Variants in THEMIS observed in about 807,000 individuals in gnomAD.
The protein encoded by THEMIS is protein THEMIS.
THEMIS carries 37 observed loss-of-function variants against 52.6 expected under a neutral mutation model. The ratio of observed to expected loss-of-function variants is 0.70; its 90% CI spans 0.54 to 0.93. The LOEUF (loss-of-function observed/expected upper bound fraction) is 0.93, where lower values mean the gene tolerates loss of function less well. Among genes scored for constraint, THEMIS ranks in the 40% least tolerant of loss-of-function variants. The probability of loss-of-function intolerance (pLI) is 0.00; values close to 1 mark genes in which losing one functional copy is unlikely to be tolerated. For missense variants in THEMIS, 808 were observed against 763.1 expected, an observed-to-expected ratio of 1.06 and a Z score of -0.69; for synonymous variants, 292 against 272.7, an observed-to-expected ratio of 1.07 and a Z score of -0.70.
chr6:127,855,482 T>C (rs1466991307), intron 1 of THEMIS, among the ~76,000 whole-genome samples: 1 of 151,932 alleles, frequency 6.6e-6, no homozygotes, highest in Non-Finnish European at 1.5e-5. Flanking sequence ...TACAAACGTA[T>C]CTTCCACTAC....
intron 1 of THEMIS, among the ~76,000 whole-genome samples, chr6:127,873,083 G>T (rs570571435): frequency 1.3e-5 from 2 of 152,230 alleles, no homozygotes; most frequent in East Asian, 3.9e-4. Context: ...CAGTGTAATA[G>T]AACATGTACA....
At chr6:127,883,302 A>G (rs1050019496) in intron 1 of THEMIS, among the ~76,000 whole-genome samples, 15 of 151,878 alleles carry the variant, frequency 9.9e-5, no homozygotes, top group African/African-American at 3.6e-4. Flanking sequence ...TCCCTATAGC[A>G]GAGGTTGGTG....
chr6:127,817,872 T>C (rs1176264364), intron 3 of THEMIS, among the ~76,000 whole-genome samples: 1 of 152,208 alleles, frequency 6.6e-6, no homozygotes, highest in Non-Finnish European at 1.5e-5. Context: ...AGTCTTACTT[T>C]CAGGGGCCCA....
intron 4 of THEMIS, among the ~76,000 whole-genome samples, chr6:127,744,913 C>T (rs1420752509): frequency 2.6e-5 from 4 of 151,632 alleles, no homozygotes; most frequent in Admixed American, 2.6e-4. Flanking sequence ...TGTTTATCAC[C>T]TTGATTGAGA....
chr6:127,915,066 T>C (rs1390000269), intron 1 of THEMIS, among the ~76,000 whole-genome samples: 1 of 152,188 alleles, frequency 6.6e-6, no homozygotes, highest in African/African-American at 2.4e-5. Flanking sequence ...ATTGTAACAG[T>C]TCGTCATTGA....
intron 1 of THEMIS, among the ~76,000 whole-genome samples, chr6:127,872,036 T>C (rs1780173459): frequency 6.6e-6 from 1 of 152,156 alleles, no homozygotes; most frequent in Non-Finnish European, 1.5e-5. Context: ...AATTCATTAA[T>C]ATAGACAAAA....
At chr6:127,911,138 A>T (rs1366285186) in intron 1 of THEMIS, among the ~76,000 whole-genome samples, 1 of 151,322 alleles carries the variant, frequency 6.6e-6, no homozygotes, top group Non-Finnish European at 1.5e-5. Flanking sequence ...ATCACTGATA[A>T]TGTTAACTTT....
In THEMIS at chr6:127,711,184, A is replaced by AT. The variant is rs576066572; in HGVS notation, c.1895-1169dup. ...TAACCTTTATATGCCTCATTTTCTC[A>AT]TTTTTTTTTAAAGGAGAAGGAGGAG... On this transcript the variant is annotated intron_variant, in intron 5 of 5. Transcript: ENST00000368248. 7.8e-4 allele frequency among the ~76,000 whole-genome samples: 116 copies of AT among 149,392 alleles called. 1 individual carries two copies. The highest frequency in any genetic ancestry group is 6.9e-3 in the Middle Eastern group (2 of 288).
chr6:127,794,206 A>C (rs1777252027), intron 4 of THEMIS, among the ~76,000 whole-genome samples: 1 of 152,242 alleles, frequency 6.6e-6, no homozygotes, highest in Non-Finnish European at 1.5e-5. Context: ...TTCCTAGCCC[A>C]TAGCAATATT....
intron 4 of THEMIS, among the ~76,000 whole-genome samples, chr6:127,787,803 G>GTAGGTAGATAGA (rs1554224476): frequency 1.2e-4 from 16 of 137,642 alleles, no homozygotes; most frequent in African/African-American, 3.8e-4. Context: ...ACAGTGATAG[G>GTAGGTAGATAGA]TAGATAGATA....
upstream of THEMIS, among the ~76,000 whole-genome samples, chr6:127,902,194 C>T (rs553655914): frequency 2.6e-5 from 4 of 151,696 alleles, no homozygotes; most frequent in African/African-American, 9.7e-5. Flanking sequence ...GGCATGGTGG[C>T]ACATGCCTGT....
chr6:127,751,931 T>C (rs1486606161), intron 4 of THEMIS, among the ~76,000 whole-genome samples: 1 of 151,684 alleles, frequency 6.6e-6, no homozygotes, highest in Non-Finnish European at 1.5e-5. Context: ...TTCTCCAAAA[T>C]AGGTCATATA....
intron 4 of THEMIS, among the ~76,000 whole-genome samples, chr6:127,798,983 C>T (rs1777429137): frequency 2.2e-5 from 3 of 136,990 alleles, no homozygotes; most frequent in Non-Finnish European, 4.6e-5. Context: ...CAGAGCGAGA[C>T]TCCGTCTCAA....
At chr6:127,711,242 A>T (rs889321513) in intron 5 of THEMIS, among the ~76,000 whole-genome samples, 10 of 151,906 alleles carry the variant, frequency 6.6e-5, no homozygotes, top group African/African-American at 2.4e-4. Context: ...AGTTGCAAAG[A>T]TAGAATATGT....
chr6:127,734,645 C>T (rs1774924716), intron 4 of THEMIS, among the ~76,000 whole-genome samples: 1 of 151,624 alleles, frequency 6.6e-6, no homozygotes, highest in Admixed American at 6.6e-5. Flanking sequence ...CCGAGGCAGG[C>T]CGATCACGAA....
intron 4 of THEMIS, among the ~76,000 whole-genome samples, chr6:127,810,406 A>G (rs1413920995): frequency 6.6e-6 from 1 of 152,164 alleles, no homozygotes; most frequent in East Asian, 1.9e-4. Flanking sequence ...ACATTGTTGG[A>G]AGGTGGGTCC....
intron 3 of THEMIS, among the ~76,000 whole-genome samples, chr6:127,818,065 G>T (rs371853624): frequency 6.6e-6 from 1 of 152,084 alleles, no homozygotes; most frequent in Admixed American, 6.5e-5. Context: ...AACTATCATG[G>T]GGGAAGGGAA....
chr6:127,810,049 G>C (rs1777848585), intron 4 of THEMIS, among the ~76,000 whole-genome samples: 1 of 151,560 alleles, frequency 6.6e-6, no homozygotes, highest in Admixed American at 6.6e-5. Flanking sequence ...TAAGTATCTG[G>C]AATCCTACAT....
At chr6:127,755,493 G>T (rs564759265) in intron 4 of THEMIS, among the ~76,000 whole-genome samples, 3 of 151,932 alleles carry the variant, frequency 2.0e-5, no homozygotes, top group Non-Finnish European at 2.9e-5. Context: ...GCATATCAAG[G>T]CATCATTTTT....
Sources: gnomAD v4.1 joint callset for allele counts (sites outside exome capture counted in the v4.1 genomes callset) on GRCh38, gnomAD v4.1.1 for gene constraint, MANE v1.5 for transcripts, NCBI Gene and HGNC (gene_info 2026-07-23, HGNC 2026-07-21) for gene names.